The following MARCHF10 variants were observed in gnomAD, a reference collection of about 807,000 sequenced individuals.
The protein encoded by MARCHF10 is probable E3 ubiquitin-protein ligase MARCHF10.
In MARCHF10, 64 loss-of-function variants were observed where a neutral mutation model predicts 76.2. The observed-to-expected ratio is 0.84, with a 90% confidence interval of 0.69 to 1.03. MARCHF10 has a LOEUF of 1.03. Ranked by LOEUF, MARCHF10 falls within the 50% of genes least tolerant of loss-of-function variation. The pLI is 0.00. For missense variants in MARCHF10, 875 were observed against 958.0 expected (o/e 0.91, Z 1.14); for synonymous variants, 340 against 357.5 (o/e 0.95, Z 0.55).
intron 6 of MARCHF10, among the ~76,000 whole-genome samples, chr17:62,729,143 A>G (rs998659926): frequency 3.3e-5 from 5 of 151,792 alleles, no homozygotes; most frequent in Non-Finnish European, 5.9e-5. Context: ...GGGTTTTGCC[A>G]TGTTGCCCAG....
At chr17:62,721,497 G>A (rs1054794116) in intron 8 of MARCHF10, among the ~76,000 whole-genome samples, 4 of 151,848 alleles carry the variant, frequency 2.6e-5, no homozygotes, top group Admixed American at 6.6e-5. Context: ...AATAGTATTA[G>A]GTTGGTGCAA....
At chr17:62,703,881 G>A (rs2089402407) in intron 10 of MARCHF10, among the ~76,000 whole-genome samples, 1 of 152,220 alleles carries the variant, frequency 6.6e-6, no homozygotes, top group African/African-American at 2.4e-5. Flanking sequence ...GGTGCCCCAA[G>A]CCCAGGCTCC....
chr17:62,768,543 GT>G (rs1266057222), intron 3 of MARCHF10, among the ~76,000 whole-genome samples: 3 of 152,100 alleles, frequency 2.0e-5, no homozygotes, highest in African/African-American at 4.8e-5. Context: ...CATTTATACT[GT>G]TTTACTTAAC....
chr17:62,786,854 G>A (rs2092756227), intron 3 of MARCHF10, among the ~76,000 whole-genome samples: 1 of 152,190 alleles, frequency 6.6e-6, no homozygotes, highest in Non-Finnish European at 1.5e-5. Flanking sequence ...GTGAGCCTCT[G>A]CATGAAAGTT....
At chr17:62,758,996 TC>T (rs1291741014) in intron 4 of MARCHF10, among the ~76,000 whole-genome samples, 1 of 152,206 alleles carries the variant, frequency 6.6e-6, no homozygotes, top group Admixed American at 6.5e-5. Context: ...ATTAAATCAC[TC>T]CTGCCCCAGG....
intron 2 of MARCHF10, among the ~76,000 whole-genome samples, chr17:62,795,275 T>G (rs2092964610): frequency 6.8e-6 from 1 of 146,836 alleles, no homozygotes; most frequent in South Asian, 2.1e-4. Flanking sequence ...CACTCTGAAA[T>G]GCCAAGTGTA....
chr17:62,703,846 C>T (rs1035434623), intron 10 of MARCHF10, among the ~76,000 whole-genome samples: 10 of 152,346 alleles, frequency 6.6e-5, no homozygotes, highest in African/African-American at 2.4e-4. Context: ...CGTCGGTCTT[C>T]CCTGGGGCCG....
chr17:62,802,186 C>G (rs1376315619), intron 1 of MARCHF10, among the ~76,000 whole-genome samples: 1 of 152,102 alleles, frequency 6.6e-6, no homozygotes, highest in Non-Finnish European at 1.5e-5. Context: ...TGGAGTATAG[C>G]AAGCAGCAAA....
At chr17:62,727,770 G>A (rs192334762) in intron 6 of MARCHF10, among the ~76,000 whole-genome samples, 4 of 152,294 alleles carry the variant, frequency 2.6e-5, no homozygotes, top group East Asian at 1.9e-4. Flanking sequence ...TGATATTGAC[G>A]AGAGGAAAGG....
intron 3 of MARCHF10, among the ~76,000 whole-genome samples, chr17:62,773,688 G>A (rs576690470): frequency 3.9e-5 from 6 of 152,244 alleles, no homozygotes; most frequent in Admixed American, 6.5e-5. Flanking sequence ...GGGAGACAGC[G>A]GCTGGAGTAA....
chr17:62,789,323 A>T (rs765194012), intron 2 of MARCHF10, among the ~76,000 whole-genome samples: 39 of 152,104 alleles, frequency 2.6e-4, no homozygotes, highest in African/African-American at 8.9e-4. Flanking sequence ...AGAATTGTCA[A>T]CATCAGAGCA....
At chr17:62,799,938 C>G (rs1308781050) in intron 2 of MARCHF10, among the ~76,000 whole-genome samples, 1 of 152,126 alleles carries the variant, frequency 6.6e-6, no homozygotes, top group Non-Finnish European at 1.5e-5. Context: ...CTGGGGGGAT[C>G]TTTCCCATAA....
At chr17:62,769,604 G>A (rs2092403493) in intron 3 of MARCHF10, among the ~76,000 whole-genome samples, 1 of 152,082 alleles carries the variant, frequency 6.6e-6, no homozygotes, top group Non-Finnish European at 1.5e-5. Context: ...AGTAGAGACA[G>A]GGTTTCACCA....
At position 62,766,506 on chromosome 17, in the gene MARCHF10, AG is replaced by A. The variant is rs200284805; in HGVS notation, c.211-6501del. On this transcript the variant is annotated intron_variant, in intron 3 of 10. Coordinates refer to ENST00000311269, the MANE Select transcript of MARCHF10 (RefSeq NM_152598.4). The stretch of plus-strand genomic sequence containing the variant: ...CAAGAGCGAAACTCCGTCTCAAAAA[AG>A]AAAAGAAAAGAAAAAAAGAACGTTA... 2.7e-3 allele frequency among the ~76,000 whole-genome samples: 413 copies of A among 151,314 alleles called. 2 individuals are homozygous for A. Among genetic ancestry groups the A allele is most frequent in the African/African-American group, 9.0e-3 (370 of 41,296 alleles).
intron 3 of MARCHF10, among the ~76,000 whole-genome samples, chr17:62,764,700 C>T (rs1392140647): frequency 6.6e-6 from 1 of 152,192 alleles, no homozygotes; most frequent in Non-Finnish European, 1.5e-5. Flanking sequence ...GTATAAATAG[C>T]ATTCTGGATA....
chr17:62,747,078 G>T, intron 4 of MARCHF10: 1 of 813,384 alleles, frequency 1.2e-6, no homozygotes, highest in Non-Finnish European at 2.0e-6. Context: ...TCTCCAACTA[G>T]CCTGCACGCT....
At chr17:62,793,765 C>T (rs557274095) in intron 2 of MARCHF10, among the ~76,000 whole-genome samples, 87 of 151,168 alleles carry the variant, frequency 5.8e-4, no homozygotes, top group African/African-American at 2.0e-3. Context: ...TCCATCACCA[C>T]CACCACCTCC....
At chr17:62,707,774 C>T (rs2147565169) in intron 9 of MARCHF10, among the ~76,000 whole-genome samples, 1 of 152,324 alleles carries the variant, frequency 6.6e-6, no homozygotes, top group East Asian at 1.9e-4. Flanking sequence ...TGAGTCTCTT[C>T]TAGGAAAGGA....
intron 2 of MARCHF10, among the ~76,000 whole-genome samples, chr17:62,791,050 G>A (rs1318326635): frequency 6.6e-6 from 1 of 152,206 alleles, no homozygotes; most frequent in Non-Finnish European, 1.5e-5. Context: ...ACTGGACTCT[G>A]TTTGTTTTAA....
Sources: gnomAD v4.1 joint callset for allele counts (sites outside exome capture counted in the v4.1 genomes callset) on GRCh38, gnomAD v4.1.1 for gene constraint, MANE v1.5 for transcripts, NCBI Gene and HGNC (gene_info 2026-07-23, HGNC 2026-07-21) for gene names.